PID1: variants seen among roughly 807,000 people sequenced by gnomAD.
PID1 encodes the protein phosphotyrosine interaction domain containing 1.
Under a neutral mutation model 19.1 loss-of-function variants are expected in PID1, and 10 were observed. The observed-to-expected ratio is 0.52, with a 90% CI of 0.32 to 0.89. The LOEUF (loss-of-function observed/expected upper bound fraction) is 0.89. Among genes scored for constraint, PID1 ranks in the 40% least tolerant of loss-of-function variants. The pLI is 0.03. For missense variants in PID1, 248 were observed against 285.3 expected, an observed-to-expected ratio of 0.87 and a Z score of 0.94; for synonymous variants, 130 against 116.0, an observed-to-expected ratio of 1.12 and a Z score of -0.78.
chr2:229,035,456 C>T (rs1042699706), intron 2 of PID1, among the ~76,000 whole-genome samples: 1 of 152,042 alleles, frequency 6.6e-6, no homozygotes, highest in East Asian at 1.9e-4. Flanking sequence ...CTCCACCCCC[C>T]TCCTTCCCTC....
At chr2:229,097,085 A>G (rs541582894) in intron 2 of PID1, among the ~76,000 whole-genome samples, 8 of 152,318 alleles carry the variant, frequency 5.3e-5, no homozygotes, top group African/African-American at 1.9e-4. Flanking sequence ...AAGATAAAAT[A>G]AAGCCTTCAA....
intron 1 of PID1, among the ~76,000 whole-genome samples, chr2:229,256,429 A>G (rs1440747056): frequency 6.6e-6 from 1 of 152,220 alleles, no homozygotes; most frequent in East Asian, 1.9e-4. Flanking sequence ...GTCAACCTAA[A>G]GGAGTTCAAG....
intron 1 of PID1, among the ~76,000 whole-genome samples, chr2:229,180,746 G>A (rs1574696860): frequency 6.6e-6 from 1 of 152,180 alleles, no homozygotes; most frequent in Admixed American, 6.5e-5. Context: ...CAGGATTGGC[G>A]TCTTCGTATG....
chr2:229,043,776 A>G (rs983539528), intron 2 of PID1, among the ~76,000 whole-genome samples: 2 of 152,208 alleles, frequency 1.3e-5, no homozygotes, highest in Non-Finnish European at 2.9e-5. Context: ...CTTCTGATTC[A>G]TTCAGAAGGA....
chr2:229,065,826 C>A (rs1194491819), intron 2 of PID1, among the ~76,000 whole-genome samples: 1 of 151,572 alleles, frequency 6.6e-6, no homozygotes, highest in Non-Finnish European at 1.5e-5. Flanking sequence ...TAGTCTATTG[C>A]AACACATTTC....
intron 1 of PID1, among the ~76,000 whole-genome samples, chr2:229,169,856 T>C (rs1360957637): frequency 6.6e-6 from 1 of 152,168 alleles, no homozygotes; most frequent in Non-Finnish European, 1.5e-5. Context: ...CCAGATGACT[T>C]AGACAAACTC....
At chr2:229,141,710 A>G (rs1222484809) in intron 2 of PID1, among the ~76,000 whole-genome samples, 2 of 152,080 alleles carry the variant, frequency 1.3e-5, no homozygotes, top group Non-Finnish European at 2.9e-5. Context: ...CAGGATGATG[A>G]ATTTCATTTA....
In PID1 at chr2:229,127,001, C is replaced by T. The variant is rs142727511; in HGVS notation, c.177+28817G>A. On this transcript the variant is annotated intron_variant, in intron 2 of 2. Coordinates refer to ENST00000392055, the MANE Select transcript of PID1 (RefSeq NM_001100818.2). ...TCTGTGGCTCCGCCATTCCCCAAGT[C>T]CTCAAAGCCCTGTCTATTTGGATGC... Among the ~76,000 whole-genome samples the T allele has an allele frequency of 3.1e-3, 468 of 152,344 alleles. 2 individuals are homozygous for T. Among genetic ancestry groups the T allele is most frequent in the African/African-American group, 0.011 (453 of 41,572 alleles).
intron 2 of PID1, among the ~76,000 whole-genome samples, chr2:229,083,667 T>C (rs750737489): frequency 4.6e-5 from 7 of 152,320 alleles, no homozygotes; most frequent in Non-Finnish European, 7.3e-5. Flanking sequence ...AATTCCATTA[T>C]GAAAAGATCT....
At chr2:229,090,531 A>G (rs1016693440) in intron 2 of PID1, among the ~76,000 whole-genome samples, 1 of 152,150 alleles carries the variant, frequency 6.6e-6, no homozygotes, top group Non-Finnish European at 1.5e-5. Flanking sequence ...CAACTTCCCG[A>G]TGCCCAGATC....
intron 2 of PID1, among the ~76,000 whole-genome samples, chr2:229,119,942 T>C (rs546075655): frequency 6.6e-6 from 1 of 152,180 alleles, no homozygotes; most frequent in Non-Finnish European, 1.5e-5. Context: ...CTGCCTGTGA[T>C]GCTCCTGGTT....
At chr2:229,119,635 A>T (rs1171406059) in intron 2 of PID1, among the ~76,000 whole-genome samples, 1 of 152,188 alleles carries the variant, frequency 6.6e-6, no homozygotes, top group Admixed American at 6.5e-5. Flanking sequence ...ACAAAAAATC[A>T]ATGGCCTTAC....
At chr2:229,124,227 T>G (rs1002649358) in intron 2 of PID1, among the ~76,000 whole-genome samples, 5 of 152,222 alleles carry the variant, frequency 3.3e-5, no homozygotes, top group Non-Finnish European at 7.3e-5. Flanking sequence ...TTAGGGGTTT[T>G]GTTTTTGTTG....
chr2:229,028,931 GCTCA>G (rs1426274025), intron 2 of PID1, among the ~76,000 whole-genome samples: 1 of 152,074 alleles, frequency 6.6e-6, no homozygotes, highest in East Asian at 1.9e-4. Context: ...CTAATAAGCG[GCTCA>G]CTCAATTTAT....
intron 2 of PID1, among the ~76,000 whole-genome samples, chr2:229,039,764 G>A (rs2106172960): frequency 6.6e-6 from 1 of 152,254 alleles, no homozygotes; most frequent in African/African-American, 2.4e-5. Context: ...CTGTTAGCAA[G>A]GCTGCAGAGA....
rs182511410 is a variant in PID1, at chr2:229,204,812, C to T, written c.31-48848G>A. Among the ~76,000 whole-genome samples the T allele has an allele frequency of 3.8e-3, 571 of 152,220 alleles. 6 individuals carry two copies. The highest frequency in any genetic ancestry group is 6.6e-3 in the Non-Finnish European group (449 of 67,986). On this transcript the variant is annotated intron_variant, in intron 1 of 2. Coordinates refer to ENST00000392055, the MANE Select transcript of PID1 (RefSeq NM_001100818.2). ...TGGTACGGGTGGTCTTCAGTGAATG[C>T]ATGCAGAGGTCATTGTTATTAAACG...
intron 2 of PID1, among the ~76,000 whole-genome samples, chr2:229,123,618 A>G (rs1375775825): frequency 1.3e-5 from 2 of 152,184 alleles, no homozygotes; most frequent in African/African-American, 4.8e-5. Flanking sequence ...CAAAATGCCA[A>G]TACCATTTTA....
intron 1 of PID1, among the ~76,000 whole-genome samples, chr2:229,172,898 A>AT (rs1372982477): frequency 4.0e-5 from 6 of 151,866 alleles, no homozygotes; most frequent in Non-Finnish European, 5.9e-5. Flanking sequence ...TGCCCGGCTG[A>AT]TTTTTTGTAT....
intron 1 of PID1, among the ~76,000 whole-genome samples, chr2:229,156,420 C>T (rs1216304535): frequency 6.6e-6 from 1 of 152,218 alleles, no homozygotes; most frequent in East Asian, 1.9e-4. Flanking sequence ...CTCTTTCATG[C>T]ACTGGCTGTG....
Sources: allele counts gnomAD v4.1 joint callset (sites outside exome capture counted in the v4.1 genomes callset), GRCh38; gene constraint gnomAD v4.1.1; transcripts MANE v1.5; gene names NCBI Gene and HGNC (gene_info 2026-07-23, HGNC 2026-07-21).